The following USP4 variants were observed in gnomAD, a reference collection of about 807,000 sequenced individuals.
USP4 encodes the protein ubiquitin specific peptidase 4.
Under a neutral mutation model 118.2 loss-of-function variants are expected in USP4, and 72 were observed. The observed-to-expected ratio is 0.61, with a 90% CI of 0.50 to 0.74. The LOEUF is 0.74. Among genes scored for constraint, USP4 ranks in the 30% least tolerant of loss-of-function variants. The pLI is 0.00. For missense variants in USP4, 1,037 were observed against 1,185.7 expected (o/e 0.87, Z 1.84); for synonymous variants, 415 against 440.4 (o/e 0.94, Z 0.72).
At chr3:49,313,459 C>T (rs1389080730) in intron 6 of USP4, among the ~76,000 whole-genome samples, 3 of 151,734 alleles carry the variant, frequency 2.0e-5, no homozygotes, top group South Asian at 2.1e-4. Flanking sequence ...ACCCAGGAGG[C>T]GGAGGTTGTA....
intron 19 of USP4, among the ~76,000 whole-genome samples, chr3:49,281,491 T>TACACACACACACACACAC (rs71077782): frequency 3.2e-5 from 4 of 126,496 alleles, no homozygotes; most frequent in African/African-American, 9.8e-5. Flanking sequence ...TATATATATA[T>TACACACACACACACACAC]ACACACACAC....
At chr3:49,312,046 G>A (rs570259370) in intron 6 of USP4, 24 of 270,760 alleles carry the variant, frequency 8.9e-5, no homozygotes, top group African/African-American at 1.1e-4. Flanking sequence ...TAGCCAGGTC[G>A]CGCGTGGTGG....
At chr3:49,285,261 T>C (rs533428691) in intron 16 of USP4, among the ~76,000 whole-genome samples, 50 of 152,116 alleles carry the variant, frequency 3.3e-4, no homozygotes, top group African/African-American at 1.2e-3. Context: ...AAACAATTGT[T>C]TTCAGACATT....
At position 49,277,384 on chromosome 3, in the gene USP4, G is replaced by A. The variant is rs2046974782; in HGVS notation, c.*909C>T. On this transcript the variant is annotated 3_prime_UTR_variant, in exon 22 of 22. Coordinates refer to ENST00000265560, the MANE Select transcript of USP4 (RefSeq NM_003363.4). ...CGGGGCTTTCGAATGGGGGCCCCGGGAAGAGTCTTGGCAGGGATGAGGAAA... is the reference window on the plus strand; with the variant it reads ...CGGGGCTTTCGAATGGGGGCCCCGGAAAGAGTCTTGGCAGGGATGAGGAAA... The A allele has an allele frequency of 2.1e-6, 1 of 467,454 alleles. No homozygotes were observed. The highest frequency in any genetic ancestry group is 3.6e-5 in the Admixed American group (1 of 27,982). 29.0% of individuals were successfully genotyped at this position (467,454 alleles called of 1,614,324 possible).
At chr3:49,304,304 C>A (rs1018541832) in intron 9 of USP4, among the ~76,000 whole-genome samples, 2 of 152,136 alleles carry the variant, frequency 1.3e-5, no homozygotes, top group Non-Finnish European at 2.9e-5. Context: ...TAAATAGGAT[C>A]TTTCAGATTT....
chr3:49,290,477 G>A (rs1490716734), intron 15 of USP4, among the ~76,000 whole-genome samples: 2 of 152,184 alleles, frequency 1.3e-5, no homozygotes, highest in African/African-American at 4.8e-5. Flanking sequence ...GAGGAATCTG[G>A]ACATTTGGTT....
In USP4 at chr3:49,294,595, G is replaced by A. The variant is rs1056476889; in HGVS notation, c.1695C>T (p.Tyr565=). Residue 565 remains tyrosine (Y), a synonymous_variant, in exon 14 of 22, where the codon TAC becomes TAT. Coordinates refer to ENST00000265560, the MANE Select transcript of USP4 (RefSeq NM_003363.4). ...CATCCACGGAAGTGCTGCAGACCTCGTACCTGCGTCAATCACACAAGAGGG... is the reference window on the plus strand; with the variant it reads ...CATCCACGGAAGTGCTGCAGACCTCATACCTGCGTCAATCACACAAGAGGG... The part of the protein sequence containing the change: ...HIMPRDDIFV[Y]EVCSTSVDGS... The A allele has an allele frequency of 6.8e-6, 11 of 1,612,952 alleles. No homozygotes were observed. In the South Asian group the frequency reaches 7.7e-5, roughly 11 times the overall value.
intron 8 of USP4, 149 bp from the exon 9 acceptor site, chr3:49,306,037 A>G: frequency 1.3e-6 from 1 of 751,672 alleles, no homozygotes; most frequent in Non-Finnish European, 2.0e-6. Flanking sequence ...AGTAAAGCAC[A>G]GCCTCAAGGA....
intron 8 of USP4, among the ~76,000 whole-genome samples, chr3:49,307,155 G>A (rs1191900922): frequency 6.6e-6 from 1 of 152,088 alleles, no homozygotes; most frequent in Non-Finnish European, 1.5e-5. Flanking sequence ...AAAATTCAAA[G>A]TTAGACTGTA....
At chr3:49,280,900 A>C (rs1417366988) in intron 19 of USP4, 53 bp from the exon 20 acceptor site, 1 of 1,511,922 alleles carries the variant, frequency 6.6e-7, no homozygotes, top group East Asian at 2.3e-5. Context: ...CAAACAAAGT[A>C]GTTAAGAGTA....
At chr3:49,301,936 T>TA (rs1197962007) in intron 10 of USP4, among the ~76,000 whole-genome samples, 1 of 152,098 alleles carries the variant, frequency 6.6e-6, no homozygotes, top group Non-Finnish European at 1.5e-5. Flanking sequence ...TTGTGAGCAA[T>TA]AACAATCTTA....
chr3:49,302,491 A>C lies in USP4; in HGVS notation c.1180T>G (p.Ser394Ala). The change falls in exon 10 of 22, where the codon TCT (serine) becomes GCT (alanine). Residue 394 changes from serine (S) to alanine (A), a missense_variant. By Grantham distance (99) the Ser-to-Ala change is moderately conservative. This residue lies in a region of USP4 where 487 missense variants were observed against 534.1 expected (regional missense o/e 0.91). Transcript: ENST00000265560. ...PQFSGYQQQDSQELLAFLLDG... is the reference protein window; with the variant it reads ...PQFSGYQQQDAQELLAFLLDG... The stretch of plus-strand genomic sequence containing the variant: ...AGAAGAAAGGCCAGCAGCTCCTGAG[A>C]ATCTTGTTGCTGGTAGCCAGAAAAT... 2 of 1,614,202 alleles carry C rather than the reference A, an allele frequency of 1.2e-6. No homozygotes were observed. Among genetic ancestry groups the C allele is most frequent in the Non-Finnish European group, 1.7e-6 (2 of 1,180,036 alleles).
chr3:49,288,739 C>G (rs937742734), intron 15 of USP4, among the ~76,000 whole-genome samples: 1 of 152,076 alleles, frequency 6.6e-6, no homozygotes, highest in Non-Finnish European at 1.5e-5. Context: ...CCCAAAGTCA[C>G]TCAGAAAATC....
chr3:49,284,003 C>A lies in USP4; in HGVS notation c.2524G>T (p.Val842Leu), dbSNP rs142835015. The change falls in exon 19 of 22, where the codon GTA (valine) becomes TTA (leucine). Residue 842 changes from valine to leucine, a missense_variant. This residue lies in a region of USP4 where 522 missense variants were observed against 592.6 expected (regional missense o/e 0.88). Coordinates refer to ENST00000265560, the MANE Select transcript of USP4 (RefSeq NM_003363.4). The stretch of plus-strand genomic sequence containing the variant: ...ATGACCCACCTGATTGGGAATTCTA[C>A]GACTGTGTCGAGCTTATCCCTCCAG... ...RYWRDKLDTV[V>L]EFPIRGLNMS... 5.6e-6 allele frequency: 9 copies of A among 1,614,242 alleles called. No individual in the cohort carries two copies. The East Asian group carries it at 1.8e-4, about 32-fold the overall frequency.
chr3:49,302,630 G>A (rs1390015850), intron 9 of USP4, 88 bp from the exon 10 acceptor site: 33 of 1,337,186 alleles, frequency 2.5e-5, no homozygotes, highest in Admixed American at 2.2e-5. Flanking sequence ...TAGCTCTGAG[G>A]AGTTAGCTGG....
In USP4 at chr3:49,281,485, T is replaced by TAC. The variant is rs1381937591; in HGVS notation, c.2541-639_2541-638insGT. On this transcript the variant is annotated intron_variant, in intron 19 of 21. Coordinates refer to ENST00000265560, the MANE Select transcript of USP4 (RefSeq NM_003363.4). The stretch of plus-strand genomic sequence containing the variant: ...AAGAAAAAAAGTATGTGTATATATA[T>TAC]ATATATACACACACACACACACACA... 2.6e-3 allele frequency among the ~76,000 whole-genome samples: 275 copies of TAC among 106,864 alleles called. 3 individuals are homozygous for TAC. The highest frequency in any genetic ancestry group is 9.0e-3 in the African/African-American group (259 of 28,878). 70.1% of individuals were successfully genotyped at this position (106,864 alleles called of 152,430 possible).
chr3:49,291,880 C>A (rs1320395370), intron 15 of USP4, among the ~76,000 whole-genome samples: 1 of 151,610 alleles, frequency 6.6e-6, no homozygotes, highest in African/African-American at 2.4e-5. Context: ...GTGGCGCGAT[C>A]TTGGCTCACT....
Position 49,278,394 on chromosome 3 carries a change from G to T in USP4, c.2791C>A (p.Pro931Thr). The T allele has an allele frequency of 1.2e-6, 2 of 1,614,174 alleles. No homozygotes were observed. Among genetic ancestry groups the T allele is most frequent in the Non-Finnish European group, 1.7e-6 (2 of 1,180,030 alleles). The part of the protein sequence containing the change: ...QRRDDEFYKT[P>T]SLSSSGSSDG... ...GAGGAACCAGAACTGCTAAGTGAAG[G>T]TGTCTTATAAAATTCATCATCTCGA... Residue 931 changes from proline (P) to threonine (T), a missense_variant, in exon 22 of 22, where the codon CCT becomes ACT. Physicochemically the swap from Pro to Thr is conservative, Grantham distance 38. Transcript: ENST00000265560.
intron 6 of USP4, among the ~76,000 whole-genome samples, chr3:49,322,874 A>G (rs913258681): frequency 6.6e-5 from 10 of 151,232 alleles, no homozygotes; most frequent in Non-Finnish European, 1.5e-5. Context: ...AAAAAAAAAG[A>G]AAAAAAAATT....
Sources: allele counts gnomAD v4.1 joint callset (sites outside exome capture counted in the v4.1 genomes callset), GRCh38; gene constraint gnomAD v4.1.1; regional missense constraint gnomAD v4.1.1; transcripts MANE v1.5; gene names NCBI Gene and HGNC (gene_info 2026-07-23, HGNC 2026-07-21).